CNKSR3: variants seen among roughly 807,000 people sequenced by gnomAD.
The protein encoded by CNKSR3 is connector enhancer of kinase suppressor of ras 3.
Under a neutral mutation model 67.7 loss-of-function variants are expected in CNKSR3, and 36 were observed. That is an observed-to-expected ratio of 0.53 (90% CI 0.41 to 0.70). CNKSR3 has a LOEUF of 0.70. CNKSR3 is among the 30% of genes least tolerant of loss of function. The probability of loss-of-function intolerance (pLI) is 0.00; values close to 1 mark genes in which losing one functional copy is unlikely to be tolerated. For missense variants in CNKSR3, 630 were observed against 695.2 expected, an observed-to-expected ratio of 0.91 and a Z score of 1.05; for synonymous variants, 281 against 271.4, an observed-to-expected ratio of 1.04 and a Z score of -0.35.
intron 1 of CNKSR3, among the ~76,000 whole-genome samples, chr6:154,463,901 G>T (rs1453431766): frequency 6.6e-6 from 1 of 152,066 alleles, no homozygotes; most frequent in Non-Finnish European, 1.5e-5. Flanking sequence ...AAGGTGCTGT[G>T]TTTTTTCCCA....
chr6:154,435,144 C>CG, intron 4 of CNKSR3, among the ~76,000 whole-genome samples: 1 of 151,928 alleles, frequency 6.6e-6, no homozygotes, highest in Admixed American at 6.6e-5. Context: ...CACAGGTGCA[C>CG]ACCACCACAC....
At position 154,435,730 on chromosome 6, in the gene CNKSR3, C is replaced by T. The variant is rs149526126; in HGVS notation, c.508-2223G>A. On this transcript the variant is annotated intron_variant, in intron 4 of 12. Transcript: ENST00000607772. ...GGACAGTGAGCTGAGCTTCTCACAGCCCTGGGTCACCTGGCAGCAGAGGCC... is the reference window on the plus strand; with the variant it reads ...GGACAGTGAGCTGAGCTTCTCACAGTCCTGGGTCACCTGGCAGCAGAGGCC... 6.0e-3 allele frequency among the ~76,000 whole-genome samples: 910 copies of T among 152,372 alleles called. 14 individuals carry two copies. Among genetic ancestry groups the T allele is most frequent in the African/African-American group, 0.02 (821 of 41,590 alleles).
At chr6:154,428,050 A>T (rs1007700718) in intron 7 of CNKSR3, 78 bp downstream of exon 7, 2 of 954,920 alleles carry the variant, frequency 2.1e-6, no homozygotes, top group African/African-American at 3.2e-5. Flanking sequence ...GCACACGTTT[A>T]AATTCAAAGT....
At chr6:154,412,614 G>A (rs11155972) in intron 10 of CNKSR3, among the ~76,000 whole-genome samples, 75,872 of 151,888 alleles carry the variant, frequency 0.5, 19,628 homozygotes, top group East Asian at 0.65. Context: ...AGAATGCCCC[G>A]ATCACCTGAG....
intron 9 of CNKSR3, among the ~76,000 whole-genome samples, chr6:154,422,236 C>T (rs1488756339): frequency 2.0e-5 from 3 of 152,194 alleles, no homozygotes; most frequent in Non-Finnish European, 2.9e-5. Flanking sequence ...TCGTGATCCG[C>T]CCGCCTCAGC....
intron 9 of CNKSR3, among the ~76,000 whole-genome samples, chr6:154,418,476 C>T (rs1053478469): frequency 6.6e-6 from 1 of 152,152 alleles, no homozygotes; most frequent in Non-Finnish European, 1.5e-5. Flanking sequence ...CATACATGCT[C>T]CCATCCGCCA....
intron 1 of CNKSR3, among the ~76,000 whole-genome samples, chr6:154,468,140 G>A (rs1786246441): frequency 7.2e-6 from 1 of 139,034 alleles, no homozygotes; most frequent in African/African-American, 2.7e-5. Context: ...ACAGTGGTTC[G>A]ATCTTGGCTC....
intron 9 of CNKSR3, among the ~76,000 whole-genome samples, chr6:154,415,398 T>C (rs1785004296): frequency 6.6e-6 from 1 of 151,972 alleles, no homozygotes; most frequent in African/African-American, 2.4e-5. Context: ...ACCCAGCTAA[T>C]TTTTGTATGT....
chr6:154,467,374 C>T (rs1008892358), intron 1 of CNKSR3, among the ~76,000 whole-genome samples: 2 of 152,302 alleles, frequency 1.3e-5, no homozygotes, highest in African/African-American at 4.8e-5. Context: ...CCAGGACATA[C>T]ATCAACTAGA....
chr6:154,488,297 C>T (rs978176419), intron 1 of CNKSR3, among the ~76,000 whole-genome samples: 1 of 152,220 alleles, frequency 6.6e-6, no homozygotes, highest in African/African-American at 2.4e-5. Context: ...CCCAGGAAGT[C>T]TACCACAGTT....
At chr6:154,447,595 A>G (rs1785734148) in intron 2 of CNKSR3, among the ~76,000 whole-genome samples, 1 of 152,174 alleles carries the variant, frequency 6.6e-6, no homozygotes, top group South Asian at 2.1e-4. Context: ...GCCACTGCTC[A>G]CCAGTTTTGG....
chr6:154,402,670 G>A lies in CNKSR3; in HGVS notation c.*3684C>T, dbSNP rs1784730810. 6.6e-6 allele frequency: 1 copy of A among 152,174 alleles called. No homozygotes were observed. The highest frequency in any genetic ancestry group is 6.5e-5 in the Admixed American group (1 of 15,288). The allele number at this position is 152,174 out of a possible 1,614,324, so 9.4% of individuals were successfully genotyped here. ...TAGAACAATGCCAGGCACACAGCAA[G>A]CACTATATGAGTGAAGCCATTACAG... On this transcript the variant is annotated 3_prime_UTR_variant, in exon 13 of 13. Coordinates refer to ENST00000607772, the MANE Select transcript of CNKSR3 (RefSeq NM_173515.4).
In CNKSR3 at chr6:154,401,350, CCTTT is replaced by C. The variant is rs1784715862; in HGVS notation, c.*5000_*5003del. 1 of 152,184 alleles carries C rather than the reference CCTTT, an allele frequency of 6.6e-6. No homozygotes were observed. Among genetic ancestry groups the C allele is most frequent in the South Asian group, 2.1e-4 (1 of 4,830 alleles). The allele number at this position is 152,184 out of a possible 1,614,324, so 9.4% of individuals were successfully genotyped here. ...AAGGGAAAGGAGAGCTTGCTTGCTT[CCTTT>C]CTCTCTCTCTGCCATGTAAGGATGC... is the stretch of plus-strand genomic sequence containing the variant. On this transcript the variant is annotated 3_prime_UTR_variant, in exon 13 of 13. Coordinates refer to ENST00000607772, the MANE Select transcript of CNKSR3 (RefSeq NM_173515.4).
At chr6:154,408,290 T>C (rs944769081) in intron 12 of CNKSR3, among the ~76,000 whole-genome samples, 7 of 152,216 alleles carry the variant, frequency 4.6e-5, no homozygotes, top group African/African-American at 1.7e-4. Context: ...CCCAAAGTGC[T>C]GGGATTACAG....
chr6:154,448,314 T>G (rs1785750254), intron 2 of CNKSR3, among the ~76,000 whole-genome samples: 1 of 151,294 alleles, frequency 6.6e-6, no homozygotes, highest in African/African-American at 2.4e-5. Context: ...CAAGTAAATT[T>G]ACCTGTCCTC....
At chr6:154,473,774 A>G (rs771903239) in intron 1 of CNKSR3, among the ~76,000 whole-genome samples, 3 of 151,510 alleles carry the variant, frequency 2.0e-5, no homozygotes, top group African/African-American at 4.9e-5. Flanking sequence ...TCCCATGCTC[A>G]GTTCTCTCCA....
chr6:154,495,682 A>G (rs1376794292), intron 1 of CNKSR3, among the ~76,000 whole-genome samples: 1 of 151,748 alleles, frequency 6.6e-6, no homozygotes, highest in Non-Finnish European at 1.5e-5. Flanking sequence ...GCCTCAACAC[A>G]TTTCTAATGA....
Position 154,390,156 on chromosome 6 carries a change from T to A in CNKSR3, c.*16198A>T, listed in dbSNP as rs1268488232. The A allele has an allele frequency of 4.6e-5, 7 of 152,280 alleles. No individual in the cohort carries two copies. 9.4% of individuals were successfully genotyped at this position (152,280 alleles called of 1,614,324 possible). ...TATTACTCATCAGTCACAAATCTTG[T>A]ATGCTTCCCCACATTTTCTCAGCAC... On this transcript the variant is annotated 3_prime_UTR_variant, in exon 13 of 13. Transcript: ENST00000607772.
chr6:154,414,959 G>A (rs571903442), intron 9 of CNKSR3, among the ~76,000 whole-genome samples: 13 of 151,740 alleles, frequency 8.6e-5, no homozygotes, highest in South Asian at 2.1e-4. Context: ...TTAGCCAGGC[G>A]TGGTGGCACA....
Sources: allele counts gnomAD v4.1 joint callset (sites outside exome capture counted in the v4.1 genomes callset), GRCh38; gene constraint gnomAD v4.1.1; transcripts MANE v1.5; gene names NCBI Gene and HGNC (gene_info 2026-07-23, HGNC 2026-07-21).